The following ITPR2 variants were observed in gnomAD, a reference collection of about 807,000 sequenced individuals.
ITPR2 encodes inositol 1,4,5-trisphosphate-gated calcium channel ITPR2.
A neutral mutation model predicts 317.1 loss-of-function variants in ITPR2; 207 were observed. That is an observed-to-expected ratio of 0.65 (90% CI 0.58 to 0.73). The LOEUF is 0.73. Among genes scored for constraint, ITPR2 ranks in the 30% least tolerant of loss-of-function variants. ITPR2 has a pLI of 0.00. For missense variants in ITPR2, 2,613 were observed against 3,284.0 expected, an observed-to-expected ratio of 0.80 and a Z score of 4.99; for synonymous variants, 1,156 against 1,149.1, an observed-to-expected ratio of 1.01 and a Z score of -0.12.
intron 16 of ITPR2, among the ~76,000 whole-genome samples, chr12:26,658,675 T>C (rs1030080983): frequency 2.7e-4 from 41 of 152,330 alleles, no homozygotes; most frequent in African/African-American, 9.9e-4. Flanking sequence ...GAAAAAGAGC[T>C]TGATGTGGAG....
chr12:26,401,186 A>G (rs930301423), intron 52 of ITPR2, among the ~76,000 whole-genome samples: 2 of 151,984 alleles, frequency 1.3e-5, no homozygotes, highest in African/African-American at 4.8e-5. Context: ...CCAAGATCAC[A>G]CCACTGCATT....
chr12:26,495,016 T>C lies in ITPR2; in HGVS notation c.5182+136A>G, dbSNP rs894109441. On this transcript the variant is annotated intron_variant, in intron 38 of 56. Coordinates refer to ENST00000381340, the MANE Select transcript of ITPR2 (RefSeq NM_002223.4). The stretch of plus-strand genomic sequence containing the variant: ...AATCTGTTGTTTTATGAGCCCCAAA[T>C]TGTATGAAAGTTTTTAACAGTGATT... The C allele has an allele frequency of 2.6e-5, 17 of 648,230 alleles. 1 individual carries two copies. Among genetic ancestry groups the C allele is most frequent in the South Asian group, 3.7e-5 (2 of 53,816 alleles). The allele number at this position is 648,230 out of a possible 1,614,324, so 40.2% of individuals were successfully genotyped here. A position where few individuals can be genotyped will look rare whatever the true frequency, so the allele number is the denominator to read the frequency against.
At chr12:26,550,151 G>A in intron 37 of ITPR2, 96 bp downstream of exon 37, 1 of 556,604 alleles carries the variant, frequency 1.8e-6, no homozygotes. Flanking sequence ...AAGATATAAT[G>A]CAAGTAATCA....
chr12:26,478,685 A>C (rs1356353794), intron 43 of ITPR2, among the ~76,000 whole-genome samples: 4 of 152,176 alleles, frequency 2.6e-5, no homozygotes, highest in Non-Finnish European at 5.9e-5. Flanking sequence ...TATACCACAA[A>C]ATCAAATGAA....
At chr12:26,346,490 G>A (rs1036565353) in intron 55 of ITPR2, among the ~76,000 whole-genome samples, 1 of 152,140 alleles carries the variant, frequency 6.6e-6, no homozygotes, top group Admixed American at 6.5e-5. Flanking sequence ...AGGTGTGGTA[G>A]CGGGCACCTG....
Position 26,621,191 on chromosome 12 carries a change from TCTC to T in ITPR2, c.3391_3393del (p.Glu1131del). ...TCTCCATTCTCATAGTTGCTGCTCT[TCTC>T]CACCCATAGCTCAGACTTTTCTACT... On this transcript the variant is annotated inframe_deletion, in exon 26 of 57. Coordinates refer to ENST00000381340, the MANE Select transcript of ITPR2 (RefSeq NM_002223.4). 1.9e-6 allele frequency: 3 copies of T among 1,613,954 alleles called. No homozygotes were observed. The highest frequency in any genetic ancestry group is 2.5e-6 in the Non-Finnish European group (3 of 1,179,896).
intron 55 of ITPR2, among the ~76,000 whole-genome samples, chr12:26,355,112 T>G (rs544249046): frequency 4.6e-5 from 7 of 152,326 alleles, no homozygotes; most frequent in Admixed American, 3.9e-4. Flanking sequence ...CTCTAGGTGG[T>G]TGTGATGCAT....
At chr12:26,431,171 G>T (rs941450027) in intron 48 of ITPR2, among the ~76,000 whole-genome samples, 6 of 152,196 alleles carry the variant, frequency 3.9e-5, no homozygotes, top group African/African-American at 1.2e-4. Flanking sequence ...TCACCATGAA[G>T]AACTCATTTT....
chr12:26,580,411 T>C (rs1226796004), intron 32 of ITPR2, among the ~76,000 whole-genome samples: 1 of 152,206 alleles, frequency 6.6e-6, no homozygotes, highest in Admixed American at 6.6e-5. Context: ...CTCTTCTTTT[T>C]AATTTGCTTC....
At position 26,576,419 on chromosome 12, in the gene ITPR2, G is replaced by A. The variant is rs547394358; in HGVS notation, c.4630+2294C>T. 2.6e-5 allele frequency among the ~76,000 whole-genome samples: 4 copies of A among 152,096 alleles called. No individual in the cohort carries two copies. The South Asian group carries it at 6.2e-4, about 24-fold the overall frequency. On this transcript the variant is annotated intron_variant, in intron 34 of 56. Transcript: ENST00000381340. Reference sequence around the variant, plus strand: ...TTTTTGTGTGTCCTTCTTTATTCTTGATATGATACATATTGTGACCACTTC... The same window carrying A: ...TTTTTGTGTGTCCTTCTTTATTCTTAATATGATACATATTGTGACCACTTC...
At chr12:26,782,034 GT>G (rs777458437) in intron 2 of ITPR2, among the ~76,000 whole-genome samples, 8,147 of 43,956 alleles carry the variant, frequency 0.19, 551 homozygotes, top group African/African-American at 0.2. Flanking sequence ...ATATATATAT[GT>G]ATAGAGAGAG....
intron 11 of ITPR2, 81 bp from the exon 12 acceptor site, chr12:26,682,754 T>C (rs771096576): frequency 2.2e-5 from 17 of 788,060 alleles, no homozygotes; most frequent in African/African-American, 3.5e-5. Context: ...GTTTCATATA[T>C]TATATGAACA....
At chr12:26,599,019 G>A in intron 30 of ITPR2, 126 bp downstream of exon 30, 1 of 774,536 alleles carries the variant, frequency 1.3e-6, no homozygotes, top group East Asian at 2.6e-5. Flanking sequence ...TTGCACTTGA[G>A]TAGTCATGAT....
chr12:26,742,484 G>A (rs950644698), intron 2 of ITPR2, among the ~76,000 whole-genome samples: 2 of 152,088 alleles, frequency 1.3e-5, no homozygotes, highest in African/African-American at 4.8e-5. Context: ...AACAAAATAT[G>A]ATATATCCAC....
In ITPR2 at chr12:26,400,925, T is replaced by C. The variant is rs527563224; in HGVS notation, c.7400-667A>G. On this transcript the variant is annotated intron_variant, in intron 52 of 56. Transcript: ENST00000381340. ...TTTGGGGGTTACACTCTTCAGAGGG[T>C]TGTTTAAGAATTACCTTTAGCCGTC... 7 of 152,294 alleles carry C rather than the reference T, an allele frequency of 4.6e-5. No homozygotes were observed. In the East Asian group the frequency reaches 9.6e-4, roughly 21 times the overall value. 9.4% of individuals were successfully genotyped at this position (152,294 alleles called of 1,614,324 possible). A position where few individuals can be genotyped will look rare whatever the true frequency, so the allele number is the denominator to read the frequency against.
At chr12:26,672,916 A>G (rs550346531) in intron 13 of ITPR2, among the ~76,000 whole-genome samples, 99 of 152,250 alleles carry the variant, frequency 6.5e-4, no homozygotes, top group Non-Finnish European at 1.0e-3. Flanking sequence ...AGATTACTAC[A>G]AACACCTCTA....
intron 54 of ITPR2, among the ~76,000 whole-genome samples, chr12:26,397,764 A>G (rs1348398224): frequency 6.6e-6 from 1 of 152,196 alleles, no homozygotes; most frequent in Non-Finnish European, 1.5e-5. Context: ...AATTTGTTAC[A>G]TACAGTAACG....
At chr12:26,471,399 A>T (rs1426171450) in intron 45 of ITPR2, among the ~76,000 whole-genome samples, 2 of 152,242 alleles carry the variant, frequency 1.3e-5, no homozygotes, top group Non-Finnish European at 2.9e-5. Flanking sequence ...AAGCAGAGAG[A>T]TGGGGCAGAG....
At chr12:26,406,017 A>G (rs1940337674) in intron 52 of ITPR2, among the ~76,000 whole-genome samples, 1 of 152,164 alleles carries the variant, frequency 6.6e-6, no homozygotes, top group African/African-American at 2.4e-5. Flanking sequence ...TTTAATTATA[A>G]TCAATTCATT....
Sources: allele counts gnomAD v4.1 joint callset (sites outside exome capture counted in the v4.1 genomes callset), GRCh38; gene constraint gnomAD v4.1.1; transcripts MANE v1.5; gene names NCBI Gene and HGNC (gene_info 2026-07-23, HGNC 2026-07-21).